The following FKBP9 variants were observed in gnomAD, a reference collection of about 807,000 sequenced individuals.
The protein encoded by FKBP9 is peptidyl-prolyl cis-trans isomerase FKBP9.
FKBP9 carries 27 observed loss-of-function variants against 55.6 expected under a neutral mutation model. That is an observed-to-expected ratio of 0.49 (90% CI 0.36 to 0.67). FKBP9 has a LOEUF of 0.67. Among genes scored for constraint, FKBP9 ranks in the 30% least tolerant of loss-of-function variants. The pLI is 0.00. For synonymous variants in FKBP9, 267 were observed against 296.5 expected, an observed-to-expected ratio of 0.90 and a Z score of 1.02; for missense variants, 539 against 742.8, an observed-to-expected ratio of 0.73 and a Z score of 3.19.
At chr7:32,984,956 T>C (rs1784546994) in intron 5 of FKBP9, among the ~76,000 whole-genome samples, 1 of 152,210 alleles carries the variant, frequency 6.6e-6, no homozygotes, top group Non-Finnish European at 1.5e-5. Context: ...ATCACAACTT[T>C]AACTATGATT....
At chr7:32,989,357 G>T (rs906363546) in intron 6 of FKBP9, among the ~76,000 whole-genome samples, 5 of 152,132 alleles carry the variant, frequency 3.3e-5, no homozygotes, top group African/African-American at 9.7e-5. Context: ...TTTAGAAAAA[G>T]AAAATACAGT....
intron 1 of FKBP9, among the ~76,000 whole-genome samples, chr7:32,972,948 C>G (rs530269744): frequency 6.6e-6 from 1 of 152,276 alleles, no homozygotes; most frequent in South Asian, 2.1e-4. Context: ...TCTCGAACTC[C>G]TAATCTCAAG....
intron 1 of FKBP9, among the ~76,000 whole-genome samples, chr7:32,959,106 T>TAA (rs548884526): frequency 1.4e-5 from 2 of 144,520 alleles, no homozygotes; most frequent in East Asian, 2.0e-4. Context: ...TTAGTTACTT[T>TAA]AAAAAAAAAA....
intron 6 of FKBP9, among the ~76,000 whole-genome samples, chr7:32,990,425 C>T (rs1359857833): frequency 6.6e-6 from 1 of 152,192 alleles, no homozygotes; most frequent in Non-Finnish European, 1.5e-5. Flanking sequence ...ATGCTTCTGC[C>T]TTCCAGAATT....
At chr7:32,960,108 CTTTT>C (rs398004304) in intron 1 of FKBP9, among the ~76,000 whole-genome samples, 3 of 98,622 alleles carry the variant, frequency 3.0e-5, no homozygotes, top group East Asian at 3.0e-4. Context: ...TTGTACTTGT[CTTTT>C]TTTTTTTTTT....
At chr7:32,993,737 C>T (rs1006715207) in intron 6 of FKBP9, among the ~76,000 whole-genome samples, 41 of 151,682 alleles carry the variant, frequency 2.7e-4, no homozygotes, top group African/African-American at 8.2e-4. Context: ...CGCTTGAACC[C>T]GGGGGACGGA....
intron 9 of FKBP9, chr7:33,003,069 T>C (rs1202879542): frequency 2.0e-6 from 1 of 506,542 alleles, no homozygotes; most frequent in Non-Finnish European, 3.6e-6. Context: ...TAGGGCATGA[T>C]TCCAGGGCAT....
intron 7 of FKBP9, among the ~76,000 whole-genome samples, chr7:32,998,376 C>G (rs1375791719): frequency 6.6e-6 from 1 of 152,084 alleles, no homozygotes; most frequent in Non-Finnish European, 1.5e-5. Context: ...AATTCCTTCT[C>G]GGAGGCTCCA....
At chr7:32,990,676 C>A (rs1784662880) in intron 6 of FKBP9, among the ~76,000 whole-genome samples, 1 of 152,222 alleles carries the variant, frequency 6.6e-6, no homozygotes. Context: ...ATGTTGTGAA[C>A]AACTTTCTAT....
intron 2 of FKBP9, 186 bp from the exon 3 acceptor site, chr7:32,974,996 T>G: frequency 1.5e-6 from 1 of 649,776 alleles, no homozygotes; most frequent in Non-Finnish European, 2.6e-6. Flanking sequence ...AGAAGACTGT[T>G]TTTTCTCTTT....
chr7:32,997,098 C>G (rs1758531453), intron 7 of FKBP9, among the ~76,000 whole-genome samples: 1 of 151,678 alleles, frequency 6.6e-6, no homozygotes, highest in Non-Finnish European at 1.5e-5. Flanking sequence ...CCGGCCAAGT[C>G]TCACTCTTTC....
Position 32,981,959 on chromosome 7 carries a change from C to T in FKBP9, c.893+1406C>T, listed in dbSNP as rs181900937. ...GTTCCTGTCTGCCTAACCTCCCTGT[C>T]TCCCCTACCCCTTAGAGTTAACCAT... is the stretch of plus-strand genomic sequence containing the variant. On this transcript the variant is annotated intron_variant, in intron 5 of 9. Coordinates refer to ENST00000242209, the MANE Select transcript of FKBP9 (RefSeq NM_007270.5). 2.7e-5 allele frequency among the ~76,000 whole-genome samples: 4 copies of T among 150,842 alleles called. No individual in the cohort carries two copies. In the East Asian group the frequency reaches 7.8e-4, roughly 29 times the overall value.
chr7:32,969,999 C>CA (rs780767841), intron 1 of FKBP9, among the ~76,000 whole-genome samples: 12 of 147,604 alleles, frequency 8.1e-5, no homozygotes, highest in African/African-American at 3.0e-4. Context: ...GACTCTATCT[C>CA]AAAAAAAGAA....
At chr7:32,972,494 C>T (rs1002321499) in intron 1 of FKBP9, among the ~76,000 whole-genome samples, 11 of 152,050 alleles carry the variant, frequency 7.2e-5, no homozygotes, top group African/African-American at 2.7e-4. Context: ...AAGGGTGACG[C>T]ATTCTCATGA....
At chr7:32,970,443 G>T (rs1276499110) in intron 1 of FKBP9, among the ~76,000 whole-genome samples, 1 of 151,810 alleles carries the variant, frequency 6.6e-6, no homozygotes, top group African/African-American at 2.4e-5. Context: ...TGATCCGCCC[G>T]CCTTGGCCTC....
chr7:32,975,702 A>G (rs894636135), intron 3 of FKBP9, among the ~76,000 whole-genome samples: 1 of 151,128 alleles, frequency 6.6e-6, no homozygotes, highest in African/African-American at 2.4e-5. Context: ...GCTGGAGTAC[A>G]GTGGCACGAT....
intron 4 of FKBP9, among the ~76,000 whole-genome samples, chr7:32,977,579 G>T (rs571580993): frequency 1.3e-5 from 2 of 152,060 alleles, no homozygotes; most frequent in Non-Finnish European, 1.5e-5. Flanking sequence ...GTGGTCTGTT[G>T]TTGACCAAAA....
At chr7:32,970,653 A>G (rs1344900939) in intron 1 of FKBP9, among the ~76,000 whole-genome samples, 2 of 145,882 alleles carry the variant, frequency 1.4e-5, no homozygotes, top group East Asian at 4.0e-4. Context: ...ATTAGTGTAT[A>G]GAAATGCATC....
At chr7:32,996,776 C>CT (rs1784806362) in intron 7 of FKBP9, among the ~76,000 whole-genome samples, 1 of 70,532 alleles carries the variant, frequency 1.4e-5, no homozygotes, top group Non-Finnish European at 2.7e-5. Flanking sequence ...TAAAGTCTCA[C>CT]TCTTTTTTTT....
Sources: allele counts gnomAD v4.1 joint callset (sites outside exome capture counted in the v4.1 genomes callset), GRCh38; gene constraint gnomAD v4.1.1; transcripts MANE v1.5; gene names NCBI Gene and HGNC (gene_info 2026-07-23, HGNC 2026-07-21).